The following ZBTB20 variants were observed in gnomAD, a reference collection of about 807,000 sequenced individuals.
ZBTB20 encodes the protein zinc finger and BTB domain containing 20, also known as zinc finger and BTB domain-containing protein 20.
In ZBTB20, 9 loss-of-function variants were observed where a neutral mutation model predicts 56.9. The observed-to-expected ratio is 0.16, with a 90% confidence interval of 0.10 to 0.28. The LOEUF (loss-of-function observed/expected upper bound fraction) is 0.28, where lower values mean the gene tolerates loss of function less well. Ranked by LOEUF, ZBTB20 falls within the 10% of genes least tolerant of loss-of-function variation. ZBTB20 has a pLI of 1.00. For synonymous variants in ZBTB20, 417 were observed against 420.7 expected, an observed-to-expected ratio of 0.99 and a Z score of 0.11; for missense variants, 655 against 1,003.0, an observed-to-expected ratio of 0.65 and a Z score of 4.69.
At chr3:114,375,491 A>T (rs995335624) in intron 10 of ZBTB20, among the ~76,000 whole-genome samples, 1 of 152,232 alleles carries the variant, frequency 6.6e-6, no homozygotes, top group Non-Finnish European at 1.5e-5. Flanking sequence ...CATAGACTAA[A>T]AAGTTGTTAT....
At chr3:114,671,317 C>T (rs944641088) in intron 6 of ZBTB20, among the ~76,000 whole-genome samples, 3 of 152,036 alleles carry the variant, frequency 2.0e-5, no homozygotes, top group Non-Finnish European at 2.9e-5. Context: ...CCTTCACTTG[C>T]GCAGCCCCCC....
At chr3:114,846,002 G>C (rs751119615) in intron 4 of ZBTB20, among the ~76,000 whole-genome samples, 3 of 152,118 alleles carry the variant, frequency 2.0e-5, no homozygotes, top group Non-Finnish European at 4.4e-5. Context: ...TATTTTCATA[G>C]ATTTTAATGT....
At chr3:114,619,257 G>A (rs1001870989) in intron 6 of ZBTB20, among the ~76,000 whole-genome samples, 1 of 152,086 alleles carries the variant, frequency 6.6e-6, no homozygotes, top group Non-Finnish European at 1.5e-5. Flanking sequence ...ATTGTTCAAG[G>A]GTTAATTATC....
At chr3:114,851,761 C>T (rs1210796256) in intron 4 of ZBTB20, among the ~76,000 whole-genome samples, 3 of 151,908 alleles carry the variant, frequency 2.0e-5, no homozygotes, top group African/African-American at 7.2e-5. Context: ...AATGGTAATA[C>T]GTTTATAATT....
chr3:114,624,358 C>CAAAAA (rs368690191), intron 6 of ZBTB20, among the ~76,000 whole-genome samples: 1 of 123,070 alleles, frequency 8.1e-6, no homozygotes, highest in Non-Finnish European at 1.8e-5. Context: ...GTAAGAGAAA[C>CAAAAA]AAAAAAAAAA....
intron 6 of ZBTB20, among the ~76,000 whole-genome samples, chr3:114,683,395 G>A: frequency 6.6e-6 from 1 of 152,056 alleles, no homozygotes; most frequent in Non-Finnish European, 1.5e-5. Context: ...TAATTCATGG[G>A]GGGCAGTCAA....
At chr3:114,505,479 C>T (rs2044494914) in intron 6 of ZBTB20, among the ~76,000 whole-genome samples, 1 of 152,122 alleles carries the variant, frequency 6.6e-6, no homozygotes, top group Non-Finnish European at 1.5e-5. Context: ...TGAAGTTTGA[C>T]ACTTATCCTT....
Position 114,333,679 on chromosome 3 carries a change from T to C in ZBTB20, c.*5326A>G, listed in dbSNP as rs1466897477. 1 of 152,192 alleles carries C rather than the reference T, an allele frequency of 6.6e-6. No homozygotes were observed. The highest frequency in any genetic ancestry group is 1.5e-5 in the Non-Finnish European group (1 of 68,028). 9.4% of individuals were successfully genotyped at this position (152,192 alleles called of 1,614,324 possible). ...GTATCCTATTTTTCTTTTTTTTTAATTTCTTTTTCTGAGGAACAAAATTGG... is the reference window on the plus strand; with the variant it reads ...GTATCCTATTTTTCTTTTTTTTTAACTTCTTTTTCTGAGGAACAAAATTGG... On this transcript the variant is annotated 3_prime_UTR_variant, in exon 12 of 12. Coordinates refer to ENST00000675478, the MANE Select transcript of ZBTB20 (RefSeq NM_001348800.3).
At chr3:114,491,127 CT>C (rs952600862) in intron 7 of ZBTB20, among the ~76,000 whole-genome samples, 1 of 152,208 alleles carries the variant, frequency 6.6e-6, no homozygotes. Context: ...TAACTAAGCC[CT>C]TTCACTGCCC....
chr3:114,885,185 T>C (rs569896137), intron 4 of ZBTB20, among the ~76,000 whole-genome samples: 2 of 152,280 alleles, frequency 1.3e-5, no homozygotes, highest in African/African-American at 2.4e-5. Context: ...TTGTTAATAG[T>C]TGACAGAACA....
chr3:114,733,061 AC>A (rs1487804695), intron 5 of ZBTB20, among the ~76,000 whole-genome samples: 1 of 152,218 alleles, frequency 6.6e-6, no homozygotes, highest in Non-Finnish European at 1.5e-5. Flanking sequence ...TAAATGGTCT[AC>A]CAGACATAAA....
At chr3:115,025,571 A>G (rs977404485) in intron 2 of ZBTB20, among the ~76,000 whole-genome samples, 5 of 151,066 alleles carry the variant, frequency 3.3e-5, no homozygotes, top group South Asian at 2.1e-4. Context: ...ATATTTACAT[A>G]TATCAAGAAA....
chr3:114,698,313 A>G (rs1465575986), intron 5 of ZBTB20, among the ~76,000 whole-genome samples: 1 of 152,156 alleles, frequency 6.6e-6, no homozygotes, highest in Non-Finnish European at 1.5e-5. Context: ...ATAGGATAAT[A>G]AAAGAGAAAT....
intron 5 of ZBTB20, among the ~76,000 whole-genome samples, chr3:114,707,796 T>C (rs767315764): frequency 1.3e-5 from 2 of 152,222 alleles, no homozygotes; most frequent in African/African-American, 2.4e-5. Flanking sequence ...GTCTCTCAGA[T>C]TCCACAGATA....
intron 2 of ZBTB20, among the ~76,000 whole-genome samples, chr3:115,021,821 T>C (rs917485686): frequency 6.6e-6 from 1 of 150,778 alleles, no homozygotes; most frequent in Non-Finnish European, 1.5e-5. Flanking sequence ...TGTTAAAATA[T>C]TTTATACATT....
chr3:114,606,411 T>A (rs2057157625), intron 6 of ZBTB20, among the ~76,000 whole-genome samples: 1 of 151,628 alleles, frequency 6.6e-6, no homozygotes, highest in Admixed American at 6.6e-5. Flanking sequence ...TTCACTTTTC[T>A]TTTTTTTTCT....
intron 6 of ZBTB20, among the ~76,000 whole-genome samples, chr3:114,614,635 A>G (rs1461049882): frequency 6.6e-6 from 1 of 152,238 alleles, no homozygotes; most frequent in Non-Finnish European, 1.5e-5. Context: ...GCATGTAGAC[A>G]GATTAATCCC....
At chr3:114,392,325 T>C (rs1408223683) in intron 7 of ZBTB20, among the ~76,000 whole-genome samples, 1 of 152,202 alleles carries the variant, frequency 6.6e-6, no homozygotes, top group South Asian at 2.1e-4. Context: ...AGAGGATATA[T>C]GCCCCGTTCT....
At chr3:114,479,427 T>C (rs1465702912) in intron 7 of ZBTB20, among the ~76,000 whole-genome samples, 9 of 152,226 alleles carry the variant, frequency 5.9e-5, no homozygotes, top group Non-Finnish European at 1.3e-4. Context: ...CTTTGTGTCC[T>C]TTATCCTCAG....
Sources: gnomAD v4.1 joint callset for allele counts (sites outside exome capture counted in the v4.1 genomes callset) on GRCh38, gnomAD v4.1.1 for gene constraint, MANE v1.5 for transcripts, NCBI Gene and HGNC (gene_info 2026-07-23, HGNC 2026-07-21) for gene names.